The following KCNH8 variants were observed in gnomAD, a reference collection of about 807,000 sequenced individuals.
KCNH8 encodes the protein potassium voltage-gated channel subfamily H member 8.
Under a neutral mutation model 103.6 loss-of-function variants are expected in KCNH8, and 70 were observed. The ratio of observed to expected loss-of-function variants is 0.68; its 90% CI spans 0.56 to 0.82. KCNH8 has a LOEUF of 0.82. Ranked by LOEUF, KCNH8 falls within the 40% of genes least tolerant of loss-of-function variation. The pLI is 0.00. For missense variants in KCNH8, 1,217 were observed against 1,329.9 expected (o/e 0.92, Z 1.32); for synonymous variants, 498 against 489.4 (o/e 1.02, Z -0.23).
intron 7 of KCNH8, among the ~76,000 whole-genome samples, chr3:19,397,691 C>T (rs1419808171): frequency 6.6e-6 from 1 of 151,606 alleles, no homozygotes; most frequent in Non-Finnish European, 1.5e-5. Context: ...ATAAAAATGA[C>T]CGAAAATTTA....
rs191846853 is a variant in KCNH8 at position 19,486,726 on chromosome 3, C to T, written c.2041-23637C>T. Among the ~76,000 whole-genome samples the T allele has an allele frequency of 3.3e-5, 5 of 152,314 alleles. No individual in the cohort carries two copies. The South Asian group carries it at 1.0e-3, about 32-fold the overall frequency. Reference sequence around the variant, plus strand: ...CCATTTAAAAGTTACCGGTCGCCCCCCTTTGTAGCCCCGTACAAAGGTTGG... The same window carrying T: ...CCATTTAAAAGTTACCGGTCGCCCCTCTTTGTAGCCCCGTACAAAGGTTGG... On this transcript the variant is annotated intron_variant, in intron 11 of 15. Transcript: ENST00000328405.
chr3:19,513,993 GA>G (rs1254010902), intron 13 of KCNH8, among the ~76,000 whole-genome samples: 5 of 151,052 alleles, frequency 3.3e-5, no homozygotes, highest in African/African-American at 1.2e-4. Context: ...ATAAAAGCAT[GA>G]AAAAAATATG....
intron 15 of KCNH8, among the ~76,000 whole-genome samples, chr3:19,528,021 A>T (rs1464703270): frequency 6.6e-6 from 1 of 152,016 alleles, no homozygotes; most frequent in African/African-American, 2.4e-5. Flanking sequence ...TGGTGATGAT[A>T]AACTGGTTTG....
chr3:19,428,250 A>G lies in KCNH8; in HGVS notation c.1178-9914A>G, dbSNP rs183031837. On this transcript the variant is annotated intron_variant, in intron 7 of 15. Transcript: ENST00000328405. Reference sequence around the variant, plus strand: ...AACACAGAAAAAAGATCATTACAACATACTATTTTTATCATAGGGAATCAA... The same window carrying G: ...AACACAGAAAAAAGATCATTACAACGTACTATTTTTATCATAGGGAATCAA... Among the ~76,000 whole-genome samples, 57 of 152,332 alleles carry G rather than the reference A, an allele frequency of 3.7e-4. 1 individual carries two copies. Among genetic ancestry groups the G allele is most frequent in the African/African-American group, 1.3e-3 (52 of 41,590 alleles).
chr3:19,170,683 C>CAT lies in KCNH8; in HGVS notation c.76+21894_76+21895dup, dbSNP rs887696637. 8.7e-4 allele frequency among the ~76,000 whole-genome samples: 122 copies of CAT among 140,658 alleles called. 1 individual carries two copies. The highest frequency in any genetic ancestry group is 2.0e-3 in the Admixed American group (28 of 14,184). 92.3% of individuals were successfully genotyped at this position (140,658 alleles called of 152,430 possible). On this transcript the variant is annotated intron_variant, in intron 1 of 15. Coordinates refer to ENST00000328405, the MANE Select transcript of KCNH8 (RefSeq NM_144633.3). ...ATACACACATATATATACACACACA[C>CAT]ATATATACACACATATATATACACA...
At chr3:19,457,553 A>T (rs1298507144) in intron 11 of KCNH8, among the ~76,000 whole-genome samples, 2 of 152,020 alleles carry the variant, frequency 1.3e-5, no homozygotes, top group African/African-American at 4.8e-5. Context: ...TTCCTGTCAA[A>T]ATATGTACTA....
At chr3:19,404,360 T>C (rs1441972355) in intron 7 of KCNH8, among the ~76,000 whole-genome samples, 1 of 152,008 alleles carries the variant, frequency 6.6e-6, no homozygotes, top group African/African-American at 2.4e-5. Context: ...CTTAAACATC[T>C]TAGGCTGTGC....
At chr3:19,277,585 G>A (rs967402246) in intron 2 of KCNH8, among the ~76,000 whole-genome samples, 4 of 152,042 alleles carry the variant, frequency 2.6e-5, no homozygotes, top group African/African-American at 4.8e-5. Flanking sequence ...AACTATGTAT[G>A]TATGTTTTAC....
chr3:19,515,557 A>T lies in KCNH8; in HGVS notation c.2542+129A>T, dbSNP rs944822661. ...TTCTCCCTGTCATAGAACCTTACCA[A>T]TACCATTGAATAATTTGACATGAGT... On this transcript the variant is annotated intron_variant, in intron 14 of 15. Coordinates refer to ENST00000328405, the MANE Select transcript of KCNH8 (RefSeq NM_144633.3). The T allele has an allele frequency of 6.7e-5, 29 of 430,092 alleles. No homozygotes were observed. In the South Asian group the frequency reaches 1.8e-3, roughly 26 times the overall value. 26.6% of individuals were successfully genotyped at this position (430,092 alleles called of 1,614,324 possible). A position where few individuals can be genotyped will look rare whatever the true frequency, so the allele number is the denominator to read the frequency against.
chr3:19,510,880 T>C (rs1317673902), intron 12 of KCNH8, among the ~76,000 whole-genome samples: 3 of 152,240 alleles, frequency 2.0e-5, no homozygotes, highest in African/African-American at 7.2e-5. Flanking sequence ...GCTGGACTTT[T>C]ATTACCAATA....
chr3:19,405,944 G>A (rs891266577), intron 7 of KCNH8, among the ~76,000 whole-genome samples: 1 of 151,958 alleles, frequency 6.6e-6, no homozygotes, highest in African/African-American at 2.4e-5. Flanking sequence ...TTAAAGTATA[G>A]TTTTATGTTT....
At chr3:19,529,763 G>C (rs2069128536) in intron 15 of KCNH8, among the ~76,000 whole-genome samples, 1 of 152,120 alleles carries the variant, frequency 6.6e-6, no homozygotes, top group Non-Finnish European at 1.5e-5. Flanking sequence ...TAAAAAGAGA[G>C]ATCCCTTACT....
chr3:19,451,414 A>C lies in KCNH8; in HGVS notation c.1825+10A>C. ...GTGCTGGCTATTCTTGGTAGGTCTG[A>C]ATTGAAAAACTTGTATGAAATTTGA... On this transcript the variant is annotated intron_variant, in intron 10 of 15. Coordinates refer to ENST00000328405, the MANE Select transcript of KCNH8 (RefSeq NM_144633.3). 1 of 1,609,652 alleles carries C rather than the reference A, an allele frequency of 6.2e-7. No homozygotes were observed. The highest frequency in any genetic ancestry group is 8.5e-7 in the Non-Finnish European group (1 of 1,177,426).
intron 11 of KCNH8, among the ~76,000 whole-genome samples, chr3:19,486,540 G>A (rs1375374474): frequency 6.6e-6 from 1 of 152,192 alleles, no homozygotes; most frequent in African/African-American, 2.4e-5. Context: ...TAGGCCACTG[G>A]TCTTGGCCAG....
chr3:19,300,347 C>G (rs2065050517), intron 3 of KCNH8, among the ~76,000 whole-genome samples: 1 of 152,018 alleles, frequency 6.6e-6, no homozygotes, highest in African/African-American at 2.4e-5. Context: ...GTTTGGGAAG[C>G]ATTTGTCAAT....
In KCNH8 at chr3:19,375,055, A is replaced by T. The variant is rs950251140; in HGVS notation, c.812-15426A>T. Among the ~76,000 whole-genome samples, 961 of 150,930 alleles carry T rather than the reference A, an allele frequency of 6.4e-3. 2 individuals carry two copies. The highest frequency in any genetic ancestry group is 0.014 in the Middle Eastern group (4 of 294). On this transcript the variant is annotated intron_variant, in intron 5 of 15. Coordinates refer to ENST00000328405, the MANE Select transcript of KCNH8 (RefSeq NM_144633.3). ...CCCTTAACATTTTTTCCTTCATTTC[A>T]ACTTTGGTGAATCTGACAATTATGT...
At chr3:19,245,891 A>G (rs1479672380) in intron 1 of KCNH8, among the ~76,000 whole-genome samples, 3 of 152,082 alleles carry the variant, frequency 2.0e-5, no homozygotes, top group Non-Finnish European at 4.4e-5. Flanking sequence ...AGCAAAGGAG[A>G]TAGTTTGACT....
At chr3:19,167,667 T>C (rs760215648) in intron 1 of KCNH8, among the ~76,000 whole-genome samples, 3 of 152,234 alleles carry the variant, frequency 2.0e-5, no homozygotes, top group Non-Finnish European at 4.4e-5. Flanking sequence ...CAGATTCTGG[T>C]ATTTTTCTAT....
intron 3 of KCNH8, among the ~76,000 whole-genome samples, chr3:19,319,666 T>C (rs1294392119): frequency 6.6e-6 from 1 of 152,024 alleles, no homozygotes; most frequent in Non-Finnish European, 1.5e-5. Flanking sequence ...CTTGGTTCCA[T>C]ATCAATTTCA....
Sources: gnomAD v4.1 joint callset for allele counts (sites outside exome capture counted in the v4.1 genomes callset) on GRCh38, gnomAD v4.1.1 for gene constraint, MANE v1.5 for transcripts, NCBI Gene and HGNC (gene_info 2026-07-23, HGNC 2026-07-21) for gene names.